The following XCR1 variants were observed in gnomAD, a reference collection of about 807,000 sequenced individuals.
XCR1 encodes X-C motif chemokine receptor 1.
For synonymous variants in XCR1, 187 were observed against 188.5 expected, an observed-to-expected ratio of 0.99 and a Z score of 0.06; for missense variants, 356 against 424.2, an observed-to-expected ratio of 0.84 and a Z score of 1.41.
intron 5 of XCR1, among the ~76,000 whole-genome samples, chr3:46,047,043 G>GTGGATTTCAAAGAACCA (rs1697647398): frequency 6.6e-6 from 1 of 152,186 alleles, no homozygotes; most frequent in African/African-American, 2.4e-5. Context: ...CCATAGAACC[G>GTGGATTTCAAAGAACCA]TGGATTTCAA....
intron 5 of XCR1, among the ~76,000 whole-genome samples, chr3:46,035,647 T>C (rs1697416460): frequency 6.6e-6 from 1 of 152,246 alleles, no homozygotes; most frequent in South Asian, 2.1e-4. Context: ...TGATTGCCTA[T>C]GAAGAACTGT....
intron 4 of XCR1, among the ~76,000 whole-genome samples, chr3:46,063,860 TTC>T: frequency 6.6e-6 from 1 of 152,352 alleles, no homozygotes; most frequent in Middle Eastern, 3.4e-3. Flanking sequence ...CAAATCTTTT[TTC>T]CCAATGGTTA....
intron 1 of XCR1, chr3:46,023,971 T>G (rs1454283819): frequency 6.9e-7 from 1 of 1,458,202 alleles, no homozygotes; most frequent in African/African-American, 1.4e-5. Context: ...AACGTCAGAA[T>G]TACGGAGCTT....
intron 5 of XCR1, among the ~76,000 whole-genome samples, chr3:46,047,129 T>C (rs1697649568): frequency 1.3e-5 from 2 of 152,238 alleles, no homozygotes; most frequent in African/African-American, 4.8e-5. Flanking sequence ...TGTGCATCCA[T>C]TTCTCCACAT....
rs1035309233 is a variant in XCR1, at chr3:46,021,307, C to A, written c.641G>T (p.Arg214Leu). ...GCGGTGGCGCCGCTTGGAGCGTGAG[C>A]GGAACAGGGTCCTGAGGATCTCCAC... Reference protein sequence around the residue: ...CYVEILRTLFRSRSKRRHRTV... With the variant: ...CYVEILRTLFLSRSKRRHRTV... The change falls in exon 2 of 2, where the codon CGC becomes CTC. Residue 214 changes from arginine to leucine, a missense_variant. Physicochemically the swap from Arg to Leu is moderately radical, Grantham distance 102. Coordinates refer to ENST00000309285, the MANE Select transcript of XCR1 (RefSeq NM_001024644.2). This position sits in a 1 kb window ranked among gnomAD's most constrained non-coding sequence, Gnocchi z 4.7. The A allele has an allele frequency of 6.2e-7, 1 of 1,613,930 alleles. No homozygotes were observed. Among genetic ancestry groups the A allele is most frequent in the Non-Finnish European group, 8.5e-7 (1 of 1,180,010 alleles).
At chr3:46,046,579 G>A (rs1348133375) in intron 5 of XCR1, among the ~76,000 whole-genome samples, 3 of 152,182 alleles carry the variant, frequency 2.0e-5, no homozygotes, top group Non-Finnish European at 4.4e-5. Flanking sequence ...TTGGCTCCCT[G>A]CATATCCCCC....
intron 4 of XCR1, among the ~76,000 whole-genome samples, chr3:46,066,754 C>T (rs1347050109): frequency 6.6e-6 from 1 of 152,206 alleles, no homozygotes; most frequent in Non-Finnish European, 1.5e-5. Flanking sequence ...AGTTAGACCA[C>T]GGGGGTTTAA....
chr3:46,085,260 C>T (rs1023873330), intron 1 of XCR1, among the ~76,000 whole-genome samples: 7 of 150,800 alleles, frequency 4.6e-5, no homozygotes, highest in African/African-American at 1.5e-4. Flanking sequence ...CTCATCACAC[C>T]GCGAACACAA....
chr3:46,046,991 G>A (rs146537535), intron 5 of XCR1, among the ~76,000 whole-genome samples: 4 of 152,232 alleles, frequency 2.6e-5, no homozygotes, highest in African/African-American at 4.8e-5. Flanking sequence ...AAATGACAAC[G>A]CAATTGCTGC....
At chr3:46,060,967 G>A (rs1697950769) in intron 4 of XCR1, among the ~76,000 whole-genome samples, 1 of 152,228 alleles carries the variant, frequency 6.6e-6, no homozygotes, top group Non-Finnish European at 1.5e-5. Flanking sequence ...TTCATTTGGT[G>A]TGAAGTGAGT....
intron 2 of XCR1, among the ~76,000 whole-genome samples, chr3:46,074,850 C>T (rs1307182041): frequency 6.6e-6 from 1 of 152,114 alleles, no homozygotes; most frequent in African/African-American, 2.4e-5. Flanking sequence ...CTGTGAACAA[C>T]TCTACACACA....
intron 4 of XCR1, among the ~76,000 whole-genome samples, chr3:46,058,847 G>A (rs1044224359): frequency 6.6e-6 from 1 of 152,216 alleles, no homozygotes; most frequent in African/African-American, 2.4e-5. Context: ...TTACAAGTGT[G>A]AGCCATGATG....
intron 1 of XCR1, among the ~76,000 whole-genome samples, chr3:46,026,710 G>A (rs1268721923): frequency 1.3e-5 from 2 of 151,016 alleles, no homozygotes; most frequent in Admixed American, 6.6e-5. Flanking sequence ...AGCCTCCCAA[G>A]TAGCTAGGAC....
Position 46,017,137 on chromosome 3 carries a change from C to T in XCR1, c.*3809G>A, listed in dbSNP as rs917482323. The T allele has an allele frequency of 4.6e-5, 7 of 152,212 alleles. No individual in the cohort carries two copies. Among genetic ancestry groups the T allele is most frequent in the African/African-American group, 1.4e-4 (6 of 41,456 alleles). The allele number at this position is 152,212 out of a possible 1,614,324, so 9.4% of individuals were successfully genotyped here. On this transcript the variant is annotated 3_prime_UTR_variant, in exon 2 of 2. Coordinates refer to ENST00000309285, the MANE Select transcript of XCR1 (RefSeq NM_001024644.2). ...ACATACATGACCTTATGCACAGCCTCATAGTGTGGATGAGTCTGTTATTGG... is the reference window on the plus strand; with the variant it reads ...ACATACATGACCTTATGCACAGCCTTATAGTGTGGATGAGTCTGTTATTGG...
intron 3 of XCR1, among the ~76,000 whole-genome samples, chr3:46,072,209 A>G (rs1208254187): frequency 6.6e-6 from 1 of 152,192 alleles, no homozygotes; most frequent in Admixed American, 6.5e-5. Flanking sequence ...AACTAAAATT[A>G]AAACAACAAC....
chr3:46,075,308 CAAAAAAAAAAAAA>C (rs56787185), intron 2 of XCR1, among the ~76,000 whole-genome samples: 5 of 61,674 alleles, frequency 8.1e-5, no homozygotes, highest in Non-Finnish European at 1.2e-4. Flanking sequence ...GCTCATAGAC[CAAAAAAAAAAAAA>C]AAAAAAAAAC....
At chr3:46,065,605 C>T (rs1361761035) in intron 4 of XCR1, among the ~76,000 whole-genome samples, 1 of 152,206 alleles carries the variant, frequency 6.6e-6, no homozygotes, top group African/African-American at 2.4e-5. Context: ...CCACACACAG[C>T]CCACTTACAC....
At chr3:46,065,263 G>A (rs1698046240) in intron 4 of XCR1, among the ~76,000 whole-genome samples, 1 of 152,178 alleles carries the variant, frequency 6.6e-6, no homozygotes, top group Non-Finnish European at 1.5e-5. Flanking sequence ...ATATTGGTTA[G>A]GGGAAAATCC....
intron 4 of XCR1, among the ~76,000 whole-genome samples, chr3:46,054,216 C>T (rs1291131857): frequency 2.0e-5 from 3 of 152,052 alleles, no homozygotes; most frequent in Non-Finnish European, 2.9e-5. Context: ...AAAGAGATAG[C>T]GAGAAGGTGG....
Sources: allele counts gnomAD v4.1 joint callset (sites outside exome capture counted in the v4.1 genomes callset), GRCh38; gene constraint gnomAD v4.1.1; non-coding constraint Gnocchi (gnomAD v3.1); transcripts MANE v1.5; gene names NCBI Gene and HGNC (gene_info 2026-07-23, HGNC 2026-07-21).